LRRC69: variants seen among roughly 807,000 people sequenced by gnomAD.
LRRC69 encodes leucine rich repeat containing 69.
Under a neutral mutation model 37.8 loss-of-function variants are expected in LRRC69, and 42 were observed. The ratio of observed to expected loss-of-function variants is 1.11; its 90% CI spans 0.87 to 1.44. LRRC69 has a LOEUF of 1.44. LRRC69 is among the 40% of genes most tolerant of loss of function. The probability of loss-of-function intolerance (pLI) is 0.00; values close to 1 mark genes in which losing one functional copy is unlikely to be tolerated. For synonymous variants in LRRC69, 141 were observed against 143.1 expected, an observed-to-expected ratio of 0.99 and a Z score of 0.11; for missense variants, 357 against 401.9, an observed-to-expected ratio of 0.89 and a Z score of 0.96.
At chr8:91,156,371 C>T (rs571252192) in intron 5 of LRRC69, among the ~76,000 whole-genome samples, 2 of 151,050 alleles carry the variant, frequency 1.3e-5, no homozygotes, top group Admixed American at 1.3e-4. Context: ...TGTGTGTCTT[C>T]ATTTGAGAAA....
chr8:91,159,447 A>G (rs1295328091), intron 5 of LRRC69, among the ~76,000 whole-genome samples: 3 of 151,314 alleles, frequency 2.0e-5, no homozygotes, highest in Non-Finnish European at 4.4e-5. Flanking sequence ...GATAATATCA[A>G]TGAACTAAAC....
chr8:91,106,744 C>T (rs988953855), intron 1 of LRRC69, among the ~76,000 whole-genome samples: 1 of 151,948 alleles, frequency 6.6e-6, no homozygotes, highest in East Asian at 1.9e-4. Context: ...TGCCTAAAGA[C>T]GGCTGCTCTG....
intron 5 of LRRC69, among the ~76,000 whole-genome samples, chr8:91,150,898 G>GGTA (rs1305570197): frequency 1.3e-5 from 2 of 151,852 alleles, no homozygotes; most frequent in African/African-American, 4.8e-5. Flanking sequence ...ATTCTCTGAT[G>GGTA]GTAGTTTGTA....
At chr8:91,127,096 C>A in exon 3 of LRRC69, 1 of 1,546,682 alleles carries the variant, frequency 6.5e-7, no homozygotes, top group Non-Finnish European at 8.7e-7. Context: ...AGATGGCTTA[C>A]AAAATTTAAT....
intron 5 of LRRC69, among the ~76,000 whole-genome samples, chr8:91,152,221 G>T (rs1808752774): frequency 6.6e-6 from 1 of 151,540 alleles, no homozygotes; most frequent in African/African-American, 2.4e-5. Context: ...CCTATTTTCT[G>T]AGTAGTATTG....
intron 7 of LRRC69, among the ~76,000 whole-genome samples, chr8:91,201,042 T>A (rs2130629554): frequency 6.6e-6 from 1 of 152,272 alleles, no homozygotes; most frequent in Admixed American, 6.5e-5. Flanking sequence ...AGTTGAAAGT[T>A]TTTAATCAGT....
chr8:91,166,297 C>A (rs945768889), intron 5 of LRRC69, among the ~76,000 whole-genome samples: 3 of 151,666 alleles, frequency 2.0e-5, no homozygotes, highest in Non-Finnish European at 4.4e-5. Context: ...TCCTCCACCT[C>A]ATACACACTA....
At chr8:91,180,964 C>G (rs1403645465) in intron 5 of LRRC69, among the ~76,000 whole-genome samples, 2 of 151,562 alleles carry the variant, frequency 1.3e-5, no homozygotes, top group East Asian at 3.9e-4. Context: ...AAATAAAATA[C>G]CTCTAGGAAA....
chr8:91,211,169 G>A (rs944176665), intron 7 of LRRC69, among the ~76,000 whole-genome samples: 2 of 151,824 alleles, frequency 1.3e-5, no homozygotes, highest in African/African-American at 4.8e-5. Flanking sequence ...AAAGCCATGG[G>A]AGTGTCAGAA....
intron 5 of LRRC69, among the ~76,000 whole-genome samples, chr8:91,159,494 G>A (rs1038047853): frequency 5.3e-5 from 8 of 151,170 alleles, no homozygotes; most frequent in Middle Eastern, 3.2e-3. Context: ...AGTTATAAAT[G>A]AAGACACATG....
intron 1 of LRRC69, among the ~76,000 whole-genome samples, chr8:91,121,083 T>C (rs1813610760): frequency 6.6e-6 from 1 of 151,964 alleles, no homozygotes. Flanking sequence ...CTATTTATCT[T>C]ACATCATACA....
At chr8:91,206,197 A>G (rs556477166) in intron 7 of LRRC69, among the ~76,000 whole-genome samples, 63 of 152,222 alleles carry the variant, frequency 4.1e-4, no homozygotes, top group Non-Finnish European at 9.0e-4. Context: ...TTGTCAACAT[A>G]TTACATCTCT....
chr8:91,213,780 T>C (rs1400611674), intron 7 of LRRC69, among the ~76,000 whole-genome samples: 1 of 152,210 alleles, frequency 6.6e-6, no homozygotes, highest in South Asian at 2.1e-4. Context: ...GAGAAGAAAG[T>C]AAACAGAATG....
chr8:91,149,812 G>A (rs1808696481), intron 5 of LRRC69, among the ~76,000 whole-genome samples: 1 of 151,956 alleles, frequency 6.6e-6, no homozygotes, highest in African/African-American at 2.4e-5. Context: ...TCCCTTGTAA[G>A]TTGGATTCCT....
intron 1 of LRRC69, among the ~76,000 whole-genome samples, chr8:91,117,092 T>C (rs1176887225): frequency 2.0e-5 from 3 of 151,984 alleles, no homozygotes; most frequent in Non-Finnish European, 4.4e-5. Context: ...AGACAGACAG[T>C]ATTTGGAGCA....
chr8:91,160,880 C>A (rs906174427), intron 5 of LRRC69, among the ~76,000 whole-genome samples: 2 of 150,354 alleles, frequency 1.3e-5, no homozygotes, highest in Non-Finnish European at 3.0e-5. Context: ...AAGCATTTTT[C>A]TTTTCCCTGC....
chr8:91,136,431 G>T (rs1269736091), intron 5 of LRRC69, among the ~76,000 whole-genome samples: 2 of 151,852 alleles, frequency 1.3e-5, no homozygotes, highest in Non-Finnish European at 2.9e-5. Context: ...TATACTGAAG[G>T]TAATTCAAAT....
intron 5 of LRRC69, chr8:91,139,008 G>A (rs1432743223): frequency 2.0e-5 from 3 of 149,584 alleles, no homozygotes; most frequent in African/African-American, 4.9e-5. Flanking sequence ...AGTAAGCTGA[G>A]ATCATACTCC....
intron 5 of LRRC69, among the ~76,000 whole-genome samples, chr8:91,163,278 C>T (rs1394546830): frequency 6.6e-6 from 1 of 151,432 alleles, no homozygotes; most frequent in Non-Finnish European, 1.5e-5. Context: ...TACCCACCCT[C>T]CATTTTTTTA....
Sources: allele counts gnomAD v4.1 joint callset (sites outside exome capture counted in the v4.1 genomes callset), GRCh38; gene constraint gnomAD v4.1.1; transcripts MANE v1.5; gene names NCBI Gene and HGNC (gene_info 2026-07-23, HGNC 2026-07-21).